Variants in PRSS23 observed in about 807,000 individuals in gnomAD.
PRSS23 encodes the protein protease, serine 23.
Under a neutral mutation model 34.7 loss-of-function variants are expected in PRSS23, and 25 were observed. That is an observed-to-expected ratio of 0.72 (90% CI 0.53 to 1.01). The LOEUF (loss-of-function observed/expected upper bound fraction) is 1.01, where lower values mean the gene tolerates loss of function less well. Among genes scored for constraint, PRSS23 ranks in the 50% least tolerant of loss-of-function variants. The probability of loss-of-function intolerance (pLI) is 0.00; values close to 1 mark genes in which losing one functional copy is unlikely to be tolerated. For synonymous variants in PRSS23, 176 were observed against 186.6 expected, an observed-to-expected ratio of 0.94 and a Z score of 0.46; for missense variants, 445 against 475.6, an observed-to-expected ratio of 0.94 and a Z score of 0.60.
chr11:86,888,117 T>TTA (rs148070384), intron 2 of PRSS23, among the ~76,000 whole-genome samples: 1 of 98,808 alleles, frequency 1.0e-5, no homozygotes. Flanking sequence ...TGGTTTTTTT[T>TTA]AAAAAAAAAC....
intron 2 of PRSS23, among the ~76,000 whole-genome samples, chr11:86,858,442 A>G (rs948584361): frequency 2.7e-5 from 4 of 150,888 alleles, no homozygotes; most frequent in Non-Finnish European, 5.9e-5. Flanking sequence ...GATATTGTAC[A>G]TGATATCTAC....
intron 2 of PRSS23, among the ~76,000 whole-genome samples, chr11:86,943,751 ATTAT>A (rs770593319): frequency 1.3e-5 from 2 of 152,064 alleles, no homozygotes; most frequent in Non-Finnish European, 2.9e-5. Context: ...GAATTTATTT[ATTAT>A]TTATTTGGGA....
At chr11:86,903,552 G>A (rs928284300) in intron 2 of PRSS23, among the ~76,000 whole-genome samples, 1 of 142,972 alleles carries the variant, frequency 7.0e-6, no homozygotes, top group Non-Finnish European at 1.5e-5. Context: ...GTGTGATCTC[G>A]GCTCACTGCA....
chr11:86,818,047 G>A (rs921419228), intron 1 of PRSS23, among the ~76,000 whole-genome samples: 3 of 152,202 alleles, frequency 2.0e-5, no homozygotes, highest in African/African-American at 7.2e-5. Flanking sequence ...GGCAAATTCA[G>A]AACAAGAGTT....
chr11:86,921,303 C>T (rs534444961), intron 2 of PRSS23: 3 of 152,148 alleles, frequency 2.0e-5, no homozygotes, highest in African/African-American at 2.4e-5. Flanking sequence ...GAGAGCCCCA[C>T]GCAGGCAGAT....
At chr11:86,830,982 C>T (rs1047489365) in intron 2 of PRSS23, among the ~76,000 whole-genome samples, 4 of 152,042 alleles carry the variant, frequency 2.6e-5, no homozygotes, top group Non-Finnish European at 4.4e-5. Flanking sequence ...GGATGTTACT[C>T]CTAATGTCAC....
chr11:86,905,730 G>C (rs2134988072), intron 2 of PRSS23, among the ~76,000 whole-genome samples: 1 of 152,274 alleles, frequency 6.6e-6, no homozygotes, highest in East Asian at 1.9e-4. Context: ...AAGCTTAATA[G>C]AAGGCAGGAA....
chr11:86,908,136 C>G (rs149460899), intron 2 of PRSS23, among the ~76,000 whole-genome samples: 190 of 152,280 alleles, frequency 1.2e-3, no homozygotes, highest in African/African-American at 4.3e-3. Context: ...GTTGTTTCCA[C>G]ATGTCAGCTA....
chr11:86,827,662 T>G (rs1350584270), intron 2 of PRSS23, among the ~76,000 whole-genome samples: 2 of 152,186 alleles, frequency 1.3e-5, no homozygotes, highest in Non-Finnish European at 2.9e-5. Flanking sequence ...CACACTGCTT[T>G]GAATGTGTCC....
At position 86,869,102 on chromosome 11, in the gene PRSS23, A is replaced by G. The variant is rs188670011; in HGVS notation, c.206+45509A>G. On this transcript the variant is annotated intron_variant, in intron 2 of 2. Coordinates refer to the PRSS23 transcript ENST00000533902. ...TGCCACTGCTCCCTGCCAATTTTGGATAAGTTTTTAATGACTCTGAAATTC... is the reference window on the plus strand; with the variant it reads ...TGCCACTGCTCCCTGCCAATTTTGGGTAAGTTTTTAATGACTCTGAAATTC... 8.5e-4 allele frequency among the ~76,000 whole-genome samples: 130 copies of G among 152,262 alleles called. 1 individual carries two copies. The East Asian group carries it at 9.5e-3, about 11-fold the overall frequency.
chr11:86,850,919 C>T (rs946065929), intron 2 of PRSS23, among the ~76,000 whole-genome samples: 1 of 152,170 alleles, frequency 6.6e-6, no homozygotes, highest in East Asian at 1.9e-4. Flanking sequence ...CTATTCCTTG[C>T]CTTAAAGAGT....
At chr11:86,881,978 A>G (rs1298168637) in intron 2 of PRSS23, among the ~76,000 whole-genome samples, 3 of 152,170 alleles carry the variant, frequency 2.0e-5, no homozygotes, top group African/African-American at 7.2e-5. Context: ...AAGTGATGTG[A>G]ATCTTCTCTC....
chr11:86,845,812 T>A (rs1590891318), intron 2 of PRSS23, among the ~76,000 whole-genome samples: 1 of 152,234 alleles, frequency 6.6e-6, no homozygotes, highest in Non-Finnish European at 1.5e-5. Flanking sequence ...CTGCTCATTT[T>A]TCTGTGACCA....
At chr11:86,832,112 C>A (rs1186997566) in intron 2 of PRSS23, among the ~76,000 whole-genome samples, 1 of 152,050 alleles carries the variant, frequency 6.6e-6, no homozygotes, top group Non-Finnish European at 1.5e-5. Flanking sequence ...TCATAATATT[C>A]TATGGGGATG....
intron 2 of PRSS23, among the ~76,000 whole-genome samples, chr11:86,852,602 T>A (rs916902889): frequency 2.0e-5 from 3 of 152,210 alleles, no homozygotes; most frequent in African/African-American, 7.2e-5. Flanking sequence ...ATGGCCAGTA[T>A]AAACATTTAC....
intron 2 of PRSS23, among the ~76,000 whole-genome samples, chr11:86,856,832 G>A (rs573742130): frequency 2.6e-5 from 4 of 152,198 alleles, no homozygotes; most frequent in East Asian, 1.9e-4. Context: ...AAAGGAGGCC[G>A]CCCAGATATA....
At chr11:86,921,410 A>C (rs1949046504) in intron 2 of PRSS23, 1 of 152,242 alleles carries the variant, frequency 6.6e-6, no homozygotes, top group Non-Finnish European at 1.5e-5. Flanking sequence ...ATGAAATATA[A>C]GTAAATATAA....
chr11:86,917,101 C>A (rs1381342482), intron 2 of PRSS23, among the ~76,000 whole-genome samples: 1 of 152,190 alleles, frequency 6.6e-6, no homozygotes, highest in East Asian at 1.9e-4. Context: ...GGGCAGATCA[C>A]GTGAGGTCAG....
intron 2 of PRSS23, among the ~76,000 whole-genome samples, chr11:86,849,796 G>A (rs1948515461): frequency 6.6e-6 from 1 of 152,018 alleles, no homozygotes. Context: ...TCACTGTTCT[G>A]CACCTCAAAG....
Sources: allele counts gnomAD v4.1 joint callset (sites outside exome capture counted in the v4.1 genomes callset), GRCh38; gene constraint gnomAD v4.1.1; transcripts MANE v1.5; gene names NCBI Gene and HGNC (gene_info 2026-07-23, HGNC 2026-07-21).